Variants in FAM53B observed in about 807,000 individuals in gnomAD.
FAM53B encodes family with sequence similarity 53 member B.
Under a neutral mutation model 32.7 loss-of-function variants are expected in FAM53B, and 12 were observed. The observed-to-expected ratio is 0.37, with a 90% CI of 0.24 to 0.59. The LOEUF is 0.59. Ranked by LOEUF, FAM53B falls within the 20% of genes least tolerant of loss-of-function variation. FAM53B has a pLI of 0.72. For synonymous variants in FAM53B, 234 were observed against 228.7 expected (o/e 1.02, Z -0.21); for missense variants, 477 against 577.7 (o/e 0.83, Z 1.79).
intron 4 of FAM53B, among the ~76,000 whole-genome samples, chr10:124,642,046 CGTGTGCATACAT>C (rs1290609222): frequency 2.0e-5 from 3 of 152,204 alleles, no homozygotes; most frequent in African/African-American, 4.8e-5. Flanking sequence ...CGTGCATACA[CGTGTGCATACAT>C]GCCCACCCTG....
At chr10:124,679,714 C>T (rs765919783) in intron 4 of FAM53B, among the ~76,000 whole-genome samples, 9 of 152,266 alleles carry the variant, frequency 5.9e-5, no homozygotes, top group Non-Finnish European at 1.3e-4. Context: ...CAGGCTGAAC[C>T]AGAGCAGCCT....
intron 1 of FAM53B, among the ~76,000 whole-genome samples, chr10:124,729,184 T>C (rs1950125894): frequency 6.6e-6 from 1 of 152,224 alleles, no homozygotes; most frequent in African/African-American, 2.4e-5. Context: ...TTAGTCTCCC[T>C]GAGGGCTGGG....
chr10:124,699,018 C>G lies in FAM53B; in HGVS notation c.79-2806G>C, dbSNP rs76432082. ...CTCAGGGGCTTTGTGCCGGGATCTT[C>G]ACGCAGCAGGCTTTGCACTGTTCCT... On this transcript the variant is annotated intron_variant, in intron 2 of 4. Coordinates refer to ENST00000337318, the MANE Select transcript of FAM53B (RefSeq NM_014661.4). Among the ~76,000 whole-genome samples the G allele has an allele frequency of 1.8e-4, 28 of 152,348 alleles. No individual in the cohort carries two copies. In the East Asian group the frequency reaches 4.8e-3, roughly 26 times the overall value.
chr10:124,631,257 C>T (rs1949389289), intron 4 of FAM53B, among the ~76,000 whole-genome samples: 1 of 152,188 alleles, frequency 6.6e-6, no homozygotes, highest in South Asian at 2.1e-4. Flanking sequence ...GGCCTAGGAC[C>T]CAGCTGGGGA....
At chr10:124,730,445 C>CTGCCACAG (rs1383754903) in intron 1 of FAM53B, among the ~76,000 whole-genome samples, 1 of 152,236 alleles carries the variant, frequency 6.6e-6, no homozygotes, top group African/African-American at 2.4e-5. Flanking sequence ...CAGGTTCCCT[C>CTGCCACAG]TGCCACAGCA....
At chr10:124,732,309 C>T (rs2134102319) in intron 1 of FAM53B, among the ~76,000 whole-genome samples, 2 of 152,326 alleles carry the variant, frequency 1.3e-5, no homozygotes, top group Admixed American at 1.3e-4. Flanking sequence ...CCTGGTTCCC[C>T]CAGGTTCCAC....
chr10:124,699,011 G>C (rs1296195486), intron 2 of FAM53B, among the ~76,000 whole-genome samples: 1 of 152,106 alleles, frequency 6.6e-6, no homozygotes, highest in Non-Finnish European at 1.5e-5. Context: ...CTTTGTGCCG[G>C]GATCTTCACG....
chr10:124,652,410 G>C (rs1949561735), intron 4 of FAM53B, among the ~76,000 whole-genome samples: 2 of 152,178 alleles, frequency 1.3e-5, no homozygotes, highest in Non-Finnish European at 2.9e-5. Flanking sequence ...GCTGTTGTCA[G>C]GTGTCAGAGG....
chr10:124,641,872 C>G (rs775598870), intron 4 of FAM53B, among the ~76,000 whole-genome samples: 1 of 152,208 alleles, frequency 6.6e-6, no homozygotes, highest in African/African-American at 2.4e-5. Flanking sequence ...GAACTTGGCA[C>G]ACCGCGACTC....
At chr10:124,736,251 T>C (rs1279234458) in intron 1 of FAM53B, among the ~76,000 whole-genome samples, 2 of 152,212 alleles carry the variant, frequency 1.3e-5, no homozygotes, top group African/African-American at 4.8e-5. Flanking sequence ...GTCCAGCAAG[T>C]AGGCAGTCTG....
rs544340248 is a variant in FAM53B at position 124,682,684 on chromosome 10, A to G, written c.134-305T>C. Among the ~76,000 whole-genome samples, 13 of 152,342 alleles carry G rather than the reference A, an allele frequency of 8.5e-5. No individual in the cohort carries two copies. The highest frequency in any genetic ancestry group is 1.2e-4 in the African/African-American group (5 of 41,574). ...CTGCCTCCCAGGAGAATCCAAAGCAATATTTTTCATCCAAAATGTTTCTCA... is the reference window on the plus strand; with the variant it reads ...CTGCCTCCCAGGAGAATCCAAAGCAGTATTTTTCATCCAAAATGTTTCTCA... On this transcript the variant is annotated intron_variant, in intron 3 of 4. Transcript: ENST00000337318. This position sits in a 1 kb window ranked among gnomAD's most constrained non-coding sequence, Gnocchi z 5.2.
rs544687994 is a variant in FAM53B, at chr10:124,647,273, T to C, written c.907-23669A>G. Among the ~76,000 whole-genome samples the C allele has an allele frequency of 3.3e-5, 5 of 152,266 alleles. No homozygotes were observed. The East Asian group carries it at 7.7e-4, about 23-fold the overall frequency. ...AATGGGGACTCTGAGTCTAAGTGAC[T>C]TGGATGAATGGCGCAGAAAGCCACG... On this transcript the variant is annotated intron_variant, in intron 4 of 4. Coordinates refer to ENST00000337318, the MANE Select transcript of FAM53B (RefSeq NM_014661.4).
At chr10:124,722,456 G>A (rs1016041959) in intron 1 of FAM53B, among the ~76,000 whole-genome samples, 1 of 152,152 alleles carries the variant, frequency 6.6e-6, no homozygotes, top group Non-Finnish European at 1.5e-5. Flanking sequence ...TCCCATTTGG[G>A]TGAAACTAAA....
chr10:124,702,238 T>C (rs1386432057), intron 2 of FAM53B, among the ~76,000 whole-genome samples: 1 of 152,264 alleles, frequency 6.6e-6, no homozygotes, highest in Non-Finnish European at 1.5e-5. Flanking sequence ...CCTCCACTTG[T>C]TATCTTCTTA....
At chr10:124,670,562 C>T (rs934449905) in intron 4 of FAM53B, among the ~76,000 whole-genome samples, 6 of 152,232 alleles carry the variant, frequency 3.9e-5, no homozygotes, top group Admixed American at 3.3e-4. Context: ...GCGCTCACCA[C>T]GCCCACTCCG....
intron 2 of FAM53B, among the ~76,000 whole-genome samples, chr10:124,706,154 G>A (rs1949956221): frequency 1.3e-5 from 2 of 152,176 alleles, no homozygotes; most frequent in Admixed American, 1.3e-4. Flanking sequence ...GGTCCAGGGT[G>A]AACCACCTTT....
intron 4 of FAM53B, among the ~76,000 whole-genome samples, chr10:124,636,015 T>C (rs753007801): frequency 6.6e-6 from 1 of 152,264 alleles, no homozygotes; most frequent in East Asian, 1.9e-4. Flanking sequence ...ATGGGAGAGA[T>C]GGGGCAAGAG....
intron 4 of FAM53B, among the ~76,000 whole-genome samples, chr10:124,639,749 C>T (rs999692018): frequency 5.9e-5 from 9 of 152,240 alleles, no homozygotes; most frequent in Admixed American, 1.3e-4. Context: ...ACACAGCGCC[C>T]GCATCCCAGA....
chr10:124,696,800 C>T (rs974169756), intron 2 of FAM53B, among the ~76,000 whole-genome samples: 1 of 152,208 alleles, frequency 6.6e-6, no homozygotes, highest in Non-Finnish European at 1.5e-5. Flanking sequence ...GAAACAGAAA[C>T]TCAAGGGTTA....
Sources: gnomAD v4.1 joint callset for allele counts (sites outside exome capture counted in the v4.1 genomes callset) on GRCh38, gnomAD v4.1.1 for gene constraint, Gnocchi (gnomAD v3.1) non-coding constraint, MANE v1.5 for transcripts, NCBI Gene and HGNC (gene_info 2026-07-23, HGNC 2026-07-21) for gene names.